The following MROH9 variants were observed in gnomAD, a reference collection of about 807,000 sequenced individuals.
The protein encoded by MROH9 is maestro heat like repeat family member 9.
Under a neutral mutation model 98.2 loss-of-function variants are expected in MROH9, and 92 were observed. That is an observed-to-expected ratio of 0.94 (90% CI 0.79 to 1.11). MROH9 has a LOEUF of 1.11. Ranked by LOEUF, MROH9 falls within the 50% of genes most tolerant of loss-of-function variation. The probability of loss-of-function intolerance (pLI) is 0.00; values close to 1 mark genes in which losing one functional copy is unlikely to be tolerated. For synonymous variants in MROH9, 397 were observed against 368.9 expected, an observed-to-expected ratio of 1.08 and a Z score of -0.87; for missense variants, 1,057 against 1,014.8, an observed-to-expected ratio of 1.04 and a Z score of -0.57.
intron 17 of MROH9, among the ~76,000 whole-genome samples, chr1:171,018,855 A>C (rs1652416039): frequency 6.6e-6 from 1 of 152,170 alleles, no homozygotes; most frequent in Non-Finnish European, 1.5e-5. Context: ...ATATTAGAGA[A>C]AAAAAGAATA....
chr1:171,020,151 G>A (rs1652471275), intron 17 of MROH9, among the ~76,000 whole-genome samples: 1 of 151,878 alleles, frequency 6.6e-6, no homozygotes, highest in African/African-American at 2.4e-5. Flanking sequence ...AAAAGCTCAG[G>A]ACCAGGATTT....
intron 20 of MROH9, among the ~76,000 whole-genome samples, chr1:171,058,923 C>A (rs1653933609): frequency 6.6e-6 from 1 of 152,206 alleles, no homozygotes; most frequent in Non-Finnish European, 1.5e-5. Context: ...CCATTCAGGG[C>A]ATATGCATGG....
chr1:171,007,368 C>T (rs1419598295), intron 15 of MROH9, among the ~76,000 whole-genome samples: 1 of 152,174 alleles, frequency 6.6e-6, no homozygotes, highest in Non-Finnish European at 1.5e-5. Flanking sequence ...TTACCAAGTA[C>T]ACAGATGGGT....
At chr1:171,053,367 T>G (rs1653731284) in intron 20 of MROH9, among the ~76,000 whole-genome samples, 1 of 152,190 alleles carries the variant, frequency 6.6e-6, no homozygotes, top group African/African-American at 2.4e-5. Flanking sequence ...GGATTCATCC[T>G]AGGAGAAAGA....
chr1:171,018,035 C>A (rs1287729929), intron 17 of MROH9, among the ~76,000 whole-genome samples: 1 of 152,196 alleles, frequency 6.6e-6, no homozygotes, highest in East Asian at 1.9e-4. Flanking sequence ...ACCCCCTCCA[C>A]CAAGGGACAG....
intron 20 of MROH9, among the ~76,000 whole-genome samples, chr1:171,052,782 G>A (rs988001476): frequency 1.3e-5 from 2 of 152,140 alleles, no homozygotes; most frequent in African/African-American, 4.8e-5. Flanking sequence ...CAAGATCTCT[G>A]CACAGAAAGC....
At chr1:171,030,808 G>T (rs1652881025) in intron 20 of MROH9, among the ~76,000 whole-genome samples, 1 of 152,170 alleles carries the variant, frequency 6.6e-6, no homozygotes, top group African/African-American at 2.4e-5. Flanking sequence ...GGGCCCATTT[G>T]ATCCAGAGCC....
chr1:170,976,728 G>A (rs570520402), intron 8 of MROH9, among the ~76,000 whole-genome samples: 1 of 152,274 alleles, frequency 6.6e-6, no homozygotes, highest in Admixed American at 6.5e-5. Flanking sequence ...TCTTGGGGAT[G>A]TAGAATTGTG....
intron 17 of MROH9, among the ~76,000 whole-genome samples, chr1:171,020,660 T>C (rs1476169998): frequency 1.3e-5 from 2 of 152,166 alleles, no homozygotes; most frequent in South Asian, 2.1e-4. Context: ...CAATATCATA[T>C]TGAATGAGCA....
chr1:170,947,233 G>A (rs1649365858), intron 2 of MROH9, among the ~76,000 whole-genome samples: 1 of 151,906 alleles, frequency 6.6e-6, no homozygotes, highest in Non-Finnish European at 1.5e-5. Context: ...TTAATGTTGA[G>A]AATTGTATTA....
At chr1:171,007,393 G>A (rs1260207514) in intron 15 of MROH9, among the ~76,000 whole-genome samples, 2 of 152,126 alleles carry the variant, frequency 1.3e-5, no homozygotes, top group Non-Finnish European at 2.9e-5. Context: ...CTCCTTTTGG[G>A]TCTGTGAGAT....
chr1:170,984,305 A>C (rs78135489), intron 9 of MROH9, among the ~76,000 whole-genome samples: 239 of 152,292 alleles, frequency 1.6e-3, no homozygotes, highest in African/African-American at 4.5e-3. Context: ...CATGGCTGAG[A>C]TGGGTTGAAT....
intron 11 of MROH9, 81 bp downstream of exon 11, chr1:170,990,084 C>A (rs140210961): frequency 6.2e-5 from 87 of 1,398,192 alleles, no homozygotes; most frequent in South Asian, 2.8e-4. Context: ...GTTCAACTCT[C>A]AATCTACCAT....
At chr1:171,011,810 T>C (rs1222038701) in intron 15 of MROH9, among the ~76,000 whole-genome samples, 2 of 152,170 alleles carry the variant, frequency 1.3e-5, no homozygotes, top group Non-Finnish European at 2.9e-5. Context: ...TTTTTTGTAT[T>C]ATATCAAAAA....
intron 14 of MROH9, among the ~76,000 whole-genome samples, chr1:170,997,471 C>T (rs1285569021): frequency 6.6e-6 from 1 of 152,180 alleles, no homozygotes; most frequent in African/African-American, 2.4e-5. Context: ...CATGGCCCAC[C>T]TCAGACCTAC....
chr1:170,949,326 C>A (rs1225289993), intron 3 of MROH9, among the ~76,000 whole-genome samples: 1 of 151,986 alleles, frequency 6.6e-6, no homozygotes, highest in Non-Finnish European at 1.5e-5. Context: ...CAACACCCTG[C>A]AGCATCCATC....
Position 170,959,461 on chromosome 1 carries a change from G to A in MROH9, c.153-1G>A. ...TAATAATTGCTCCTTTTTCTTGTCA[G>A]CTTTGTGGATCCCTTACTGCAGTTT... On this transcript the variant is annotated splice_acceptor_variant, in intron 4 of 21. Coordinates refer to ENST00000367759, the MANE Select transcript of MROH9 (RefSeq NM_001163629.2). LOFTEE classifies it high-confidence loss of function. 6.3e-7 allele frequency: 1 copy of A among 1,594,216 alleles called. No individual in the cohort carries two copies. The highest frequency in any genetic ancestry group is 8.5e-7 in the Non-Finnish European group (1 of 1,172,346).
chr1:170,959,420 T>G, intron 4 of MROH9, 42 bp from the exon 5 acceptor site: 1 of 1,524,728 alleles, frequency 6.6e-7, no homozygotes, highest in East Asian at 2.3e-5. Flanking sequence ...TTCTATTATA[T>G]TTGTTTTCTC....
At chr1:170,994,690 T>C (rs1038130876) in intron 12 of MROH9, among the ~76,000 whole-genome samples, 2 of 152,160 alleles carry the variant, frequency 1.3e-5, no homozygotes, top group Admixed American at 1.3e-4. Flanking sequence ...TAATCTTATT[T>C]ATTCTTTCTA....
Sources: allele counts gnomAD v4.1 joint callset (sites outside exome capture counted in the v4.1 genomes callset), GRCh38; gene constraint gnomAD v4.1.1; transcripts MANE v1.5; gene names NCBI Gene and HGNC (gene_info 2026-07-23, HGNC 2026-07-21).